LRP1B: variants seen among roughly 807,000 people sequenced by gnomAD.
LRP1B encodes the protein LDL receptor related protein 1B.
A neutral mutation model predicts 556.6 loss-of-function variants in LRP1B; 217 were observed. That is an observed-to-expected ratio of 0.39 (90% CI 0.35 to 0.44). The LOEUF (loss-of-function observed/expected upper bound fraction) is 0.44, where lower values mean the gene tolerates loss of function less well. Ranked by LOEUF, LRP1B falls within the 20% of genes least tolerant of loss-of-function variation. The pLI, the probability that LRP1B is intolerant of heterozygous loss-of-function variation, is 1.00. For synonymous variants in LRP1B, 2,047 were observed against 1,865.8 expected (o/e 1.10, Z -2.50); for missense variants, 5,053 against 5,620.8 (o/e 0.90, Z 3.23).
At chr2:141,507,858 G>A (rs36057199) in intron 2 of LRP1B, among the ~76,000 whole-genome samples, 12,875 of 151,928 alleles carry the variant, frequency 0.085, 607 homozygotes, top group South Asian at 0.13. Flanking sequence ...GTCCGAGGTG[G>A]ATGGATCACC....
chr2:141,058,331 T>C (rs762340590), intron 9 of LRP1B, among the ~76,000 whole-genome samples: 63 of 151,784 alleles, frequency 4.2e-4, no homozygotes, highest in Non-Finnish European at 4.0e-4. Flanking sequence ...ATATTCTCTT[T>C]TTTTATGTAT....
intron 1 of LRP1B, among the ~76,000 whole-genome samples, chr2:142,009,662 ATAT>A (rs1453599863): frequency 6.6e-6 from 1 of 152,156 alleles, no homozygotes; most frequent in Non-Finnish European, 1.5e-5. Flanking sequence ...ACATTACAAA[ATAT>A]TATCTATATT....
At chr2:141,875,380 A>G (rs1035473790) in intron 1 of LRP1B, among the ~76,000 whole-genome samples, 2 of 151,932 alleles carry the variant, frequency 1.3e-5, no homozygotes, top group Non-Finnish European at 2.9e-5. Flanking sequence ...ACTTGCTGCC[A>G]GCATTAACCT....
At chr2:140,672,766 T>C (rs1360357264) in intron 41 of LRP1B, among the ~76,000 whole-genome samples, 2 of 152,228 alleles carry the variant, frequency 1.3e-5, no homozygotes, top group Non-Finnish European at 2.9e-5. Flanking sequence ...GCAATGTTTC[T>C]GCTGTTATAA....
In LRP1B at chr2:140,477,288, T is replaced by C. The variant is rs528078854; in HGVS notation, c.9426-1951A>G. On this transcript the variant is annotated intron_variant, in intron 59 of 90. Transcript: ENST00000389484. The stretch of plus-strand genomic sequence containing the variant: ...TTTATCTGAAATGTAATATATTTAT[T>C]CCAGCTTCCCTCACATGTTAGATAT... Among the ~76,000 whole-genome samples the C allele has an allele frequency of 1.1e-4, 17 of 152,238 alleles. No homozygotes were observed. In the Middle Eastern group the frequency reaches 0.014, roughly 123 times the overall value.
intron 35 of LRP1B, among the ~76,000 whole-genome samples, chr2:140,761,215 C>G (rs913566413): frequency 1.2e-4 from 18 of 152,198 alleles, no homozygotes; most frequent in Admixed American, 1.1e-3. Flanking sequence ...AATTCATTAT[C>G]ACATAGTTTA....
chr2:141,924,691 G>A (rs1222589393), intron 1 of LRP1B, among the ~76,000 whole-genome samples: 1 of 152,172 alleles, frequency 6.6e-6, no homozygotes, highest in Non-Finnish European at 1.5e-5. Flanking sequence ...GTGGCAGCAA[G>A]CAAACAGGTG....
At chr2:141,016,874 G>T (rs1017908764) in intron 12 of LRP1B, among the ~76,000 whole-genome samples, 1 of 152,048 alleles carries the variant, frequency 6.6e-6, no homozygotes, top group Non-Finnish European at 1.5e-5. Context: ...CCCCCATTTT[G>T]TAGACCCTAA....
chr2:140,316,879 C>G (rs1021246976), intron 82 of LRP1B, among the ~76,000 whole-genome samples: 1 of 152,058 alleles, frequency 6.6e-6, no homozygotes, highest in Non-Finnish European at 1.5e-5. Flanking sequence ...AAAGATGAAG[C>G]GCTGACAGTT....
chr2:141,833,864 G>A (rs1018116747), intron 1 of LRP1B, among the ~76,000 whole-genome samples: 2 of 151,834 alleles, frequency 1.3e-5, no homozygotes, highest in Non-Finnish European at 2.9e-5. Flanking sequence ...GAAAAGGAAA[G>A]GCCTAAGAAA....
chr2:141,291,074 A>C (rs994879839), intron 3 of LRP1B, among the ~76,000 whole-genome samples: 5 of 152,190 alleles, frequency 3.3e-5, no homozygotes, highest in Admixed American at 2.6e-4. Flanking sequence ...GTAATCAAAA[A>C]TAGAAATAAA....
chr2:141,102,783 T>C (rs1700499716), intron 7 of LRP1B, among the ~76,000 whole-genome samples: 1 of 152,122 alleles, frequency 6.6e-6, no homozygotes, highest in Admixed American at 6.6e-5. Context: ...TTTATATACT[T>C]GAACCATTTA....
Position 141,562,663 on chromosome 2 carries a change from G to A in LRP1B, c.206-82130C>T, listed in dbSNP as rs557995452. On this transcript the variant is annotated intron_variant, in intron 2 of 90. Coordinates refer to ENST00000389484, the MANE Select transcript of LRP1B (RefSeq NM_018557.3). ...GTTGCACAACCGCTGGCTTCACTCC[G>A]TAAAACAAAGTAAGAAGTGTTTAAA... Among the ~76,000 whole-genome samples the A allele has an allele frequency of 2.6e-5, 4 of 151,992 alleles. No individual in the cohort carries two copies. In the East Asian group the frequency reaches 5.8e-4, roughly 22 times the overall value.
intron 1 of LRP1B, among the ~76,000 whole-genome samples, chr2:141,954,963 C>T (rs1046139581): frequency 7.2e-5 from 11 of 152,190 alleles, no homozygotes; most frequent in African/African-American, 1.9e-4. Context: ...AAATGATCGT[C>T]GGTGTTCCCA....
At chr2:142,078,983 A>G (rs1050254388) in intron 1 of LRP1B, among the ~76,000 whole-genome samples, 1 of 152,196 alleles carries the variant, frequency 6.6e-6, no homozygotes, top group Admixed American at 6.5e-5. Flanking sequence ...TTTCAAAAAT[A>G]CCTTATAGCT....
intron 47 of LRP1B, among the ~76,000 whole-genome samples, chr2:140,532,403 T>C (rs1370371969): frequency 6.7e-6 from 1 of 149,858 alleles, no homozygotes; most frequent in Non-Finnish European, 1.5e-5. Context: ...TTTGGTTTTT[T>C]TGGGGGGTGG....
chr2:140,820,197 C>A (rs1691275981), intron 31 of LRP1B, among the ~76,000 whole-genome samples: 1 of 152,100 alleles, frequency 6.6e-6, no homozygotes, highest in South Asian at 2.1e-4. Flanking sequence ...CCAGGCTAGT[C>A]TTGAACTCCT....
chr2:141,074,853 TTTG>T (rs1558842748), intron 7 of LRP1B, among the ~76,000 whole-genome samples: 1 of 152,138 alleles, frequency 6.6e-6, no homozygotes, highest in African/African-American at 2.4e-5. Flanking sequence ...AAATTATTAC[TTTG>T]TTCAGTTCGT....
At chr2:141,449,483 T>C (rs1449505414) in intron 3 of LRP1B, among the ~76,000 whole-genome samples, 1 of 152,228 alleles carries the variant, frequency 6.6e-6, no homozygotes, top group African/African-American at 2.4e-5. Context: ...TTTTTTATAT[T>C]GCAGATTCCA....
Sources: gnomAD v4.1 joint callset for allele counts (sites outside exome capture counted in the v4.1 genomes callset) on GRCh38, gnomAD v4.1.1 for gene constraint, MANE v1.5 for transcripts, NCBI Gene and HGNC (gene_info 2026-07-23, HGNC 2026-07-21) for gene names.